Variants in COL14A1 observed in about 807,000 individuals in gnomAD.
The protein encoded by COL14A1 is collagen type XIV alpha 1 chain.
Under a neutral mutation model 230.3 loss-of-function variants are expected in COL14A1, and 136 were observed. The ratio of observed to expected loss-of-function variants is 0.59; its 90% CI spans 0.51 to 0.68. COL14A1 has a LOEUF of 0.68. Among genes scored for constraint, COL14A1 ranks in the 30% least tolerant of loss-of-function variants. The pLI is 0.00. For synonymous variants in COL14A1, 792 were observed against 784.1 expected (o/e 1.01, Z -0.17); for missense variants, 1,976 against 2,215.8 (o/e 0.89, Z 2.17).
rs1249343884 is a variant in COL14A1, at chr8:120,163,581, T to C, written c.349+1012T>C. Among the ~76,000 whole-genome samples, 5 of 152,006 alleles carry C rather than the reference T, an allele frequency of 3.3e-5. No individual in the cohort carries two copies. In the East Asian group the frequency reaches 9.7e-4, roughly 29 times the overall value. On this transcript the variant is annotated intron_variant, in intron 4 of 47. Coordinates refer to ENST00000297848, the MANE Select transcript of COL14A1 (RefSeq NM_021110.4). Reference sequence around the variant, plus strand: ...GAGTTCGAGACCAGCCTGACCAACATGGAGAAACCCTGTCTCTACTAAAAA... The same window carrying C: ...GAGTTCGAGACCAGCCTGACCAACACGGAGAAACCCTGTCTCTACTAAAAA...
At position 120,256,522 on chromosome 8, in the gene COL14A1, T is replaced by A. The variant is rs192393612; in HGVS notation, c.2869+1166T>A. Among the ~76,000 whole-genome samples, 23 of 152,266 alleles carry A rather than the reference T, an allele frequency of 1.5e-4. 1 individual carries two copies. The East Asian group carries it at 4.2e-3, about 28-fold the overall frequency. On this transcript the variant is annotated intron_variant, in intron 23 of 47. Coordinates refer to ENST00000297848, the MANE Select transcript of COL14A1 (RefSeq NM_021110.4). Reference sequence around the variant, plus strand: ...CATGTGGCACCACTGCTTCCTTGAGTCCCTCTCTATGATGTAAGGATCCTT... The same window carrying A: ...CATGTGGCACCACTGCTTCCTTGAGACCCTCTCTATGATGTAAGGATCCTT...
intron 45 of COL14A1, among the ~76,000 whole-genome samples, chr8:120,356,257 A>T (rs1822982148): frequency 1.3e-5 from 2 of 152,226 alleles, no homozygotes; most frequent in South Asian, 4.1e-4. Context: ...AAATCTTATG[A>T]GATCAGGATT....
intron 13 of COL14A1, among the ~76,000 whole-genome samples, chr8:120,213,614 T>A (rs1181238514): frequency 2.0e-5 from 3 of 152,180 alleles, no homozygotes; most frequent in Non-Finnish European, 4.4e-5. Flanking sequence ...CTAGAAAGCA[T>A]CCACCACATA....
intron 11 of COL14A1, among the ~76,000 whole-genome samples, chr8:120,209,530 T>A (rs1387594462): frequency 1.3e-5 from 2 of 152,116 alleles, no homozygotes; most frequent in Non-Finnish European, 2.9e-5. Context: ...GACACTGTGG[T>A]TAGAAGAGTA....
rs115901568 is a variant in COL14A1 at position 120,280,042 on chromosome 8, G to A, written c.3589G>A (p.Ala1197Thr). The A allele has an allele frequency of 1.1e-3, 1,786 of 1,613,822 alleles. 5 individuals carry two copies. The highest frequency in any genetic ancestry group is 1.3e-3 in the Non-Finnish European group (1,571 of 1,179,836). Residue 1197 changes from alanine (A) to threonine (T), a missense_variant, in exon 29 of 48, where the codon GCC (alanine) becomes ACC (threonine). This residue lies in a region of COL14A1 where 1,791 missense variants were observed against 2,019.5 expected (regional missense o/e 0.89). Coordinates refer to ENST00000297848, the MANE Select transcript of COL14A1 (RefSeq NM_021110.4). ...RHVFFVDDFD[A>T]FKKIEDELIT... The stretch of plus-strand genomic sequence containing the variant: ...TGTCTTCTTTGTGGATGACTTTGAC[G>A]CCTTTAAGAAAATCGAAGATGAGTT...
At chr8:120,193,050 A>G (rs1293202962) in intron 5 of COL14A1, among the ~76,000 whole-genome samples, 1 of 152,172 alleles carries the variant, frequency 6.6e-6, no homozygotes, top group Admixed American at 6.5e-5. Flanking sequence ...TCAACTCGTC[A>G]AAGTCATTCT....
At chr8:120,255,095 T>C (rs1819100742) in intron 22 of COL14A1, 145 bp from the exon 23 acceptor site, 3 of 687,476 alleles carry the variant, frequency 4.4e-6, no homozygotes, top group Non-Finnish European at 8.0e-6. Context: ...TTATCTTTTG[T>C]ATACTAACTC....
intron 45 of COL14A1, among the ~76,000 whole-genome samples, chr8:120,358,323 G>A (rs1031287926): frequency 1.3e-5 from 2 of 151,992 alleles, no homozygotes; most frequent in Non-Finnish European, 2.9e-5. Context: ...CTTACAATGA[G>A]GCTACATTGT....
intron 38 of COL14A1, 65 bp from the exon 39 acceptor site, chr8:120,315,468 A>T: frequency 1.2e-5 from 15 of 1,273,972 alleles, no homozygotes; most frequent in Non-Finnish European, 1.6e-5. Context: ...ATAATGAGAG[A>T]AGGAAAAGAA....
intron 34 of COL14A1, among the ~76,000 whole-genome samples, chr8:120,295,006 A>G (rs1820481475): frequency 6.6e-6 from 1 of 151,872 alleles, no homozygotes. Flanking sequence ...ATAGGTGGTT[A>G]GGTGGTAGAT....
intron 13 of COL14A1, chr8:120,213,864 A>G: frequency 5.7e-6 from 2 of 351,198 alleles, no homozygotes; most frequent in South Asian, 2.3e-5. Context: ...GAATTCCAGA[A>G]AAATTTAGAG....
Position 120,322,009 on chromosome 8 carries a change from A to AT in COL14A1, c.4659+6021dup, listed in dbSNP as rs931244630. On this transcript the variant is annotated intron_variant, in intron 40 of 47. Coordinates refer to ENST00000297848, the MANE Select transcript of COL14A1 (RefSeq NM_021110.4). ...ATTTCTTTGATAGACTATTGCTGGC[A>AT]TTTTTTTTTGTTTTAATTCACTGAA... Among the ~76,000 whole-genome samples, 127 of 150,988 alleles carry AT rather than the reference A, an allele frequency of 8.4e-4. 2 individuals are homozygous for AT. Among genetic ancestry groups the AT allele is most frequent in the South Asian group, 6.9e-3 (33 of 4,774 alleles).
intron 26 of COL14A1, among the ~76,000 whole-genome samples, chr8:120,275,990 A>G (rs939143026): frequency 6.6e-6 from 1 of 152,006 alleles, no homozygotes; most frequent in Non-Finnish European, 1.5e-5. Flanking sequence ...CTATCTACCC[A>G]AAGGAAAAGA....
intron 36 of COL14A1, among the ~76,000 whole-genome samples, chr8:120,309,310 C>A (rs986707855): frequency 2.0e-5 from 3 of 152,012 alleles, no homozygotes; most frequent in African/African-American, 4.8e-5. Context: ...GCAAGCGATA[C>A]TTTTTTTCAT....
At chr8:120,354,477 T>C (rs1289435549) in intron 45 of COL14A1, among the ~76,000 whole-genome samples, 2 of 151,758 alleles carry the variant, frequency 1.3e-5, no homozygotes, top group African/African-American at 2.4e-5. Context: ...GCAAAGAATA[T>C]GCATTTTTAG....
intron 40 of COL14A1, among the ~76,000 whole-genome samples, chr8:120,328,307 C>T (rs1284763272): frequency 6.6e-6 from 1 of 152,096 alleles, no homozygotes; most frequent in Admixed American, 6.5e-5. Context: ...GATCACAGCT[C>T]ACTGAAGTTT....
chr8:120,239,206 A>G (rs951053796), intron 19 of COL14A1, among the ~76,000 whole-genome samples: 3 of 152,182 alleles, frequency 2.0e-5, no homozygotes, highest in Non-Finnish European at 4.4e-5. Flanking sequence ...TTTCTAATCA[A>G]ACCAGGTAAC....
chr8:120,225,089 T>C lies in COL14A1; in HGVS notation c.1739T>C (p.Val580Ala). The stretch of plus-strand genomic sequence containing the variant: ...TATTATGACTTATTTCTTTGACAGG[T>C]TGAAGTCGATCCTATTACTACCTTC... ...NNADGTEINE[V>A]EVDPITTFPL... is the part of the protein sequence containing the mutation. Residue 580 changes from valine to alanine, a missense_variant and splice_region_variant, in exon 15 of 48, where the codon GTT becomes GCT. Transcript: ENST00000297848. The C allele has an allele frequency of 6.2e-7, 1 of 1,610,014 alleles. No homozygotes were observed. The highest frequency in any genetic ancestry group is 8.5e-7 in the Non-Finnish European group (1 of 1,178,884).
intron 5 of COL14A1, among the ~76,000 whole-genome samples, chr8:120,171,113 C>A (rs537811208): frequency 6.6e-6 from 1 of 152,024 alleles, no homozygotes; most frequent in Admixed American, 6.6e-5. Flanking sequence ...TCTTTAAATC[C>A]ATTTTAGCAC....
Sources: gnomAD v4.1 joint callset for allele counts (sites outside exome capture counted in the v4.1 genomes callset) on GRCh38, gnomAD v4.1.1 for gene constraint, gnomAD v4.1.1 regional missense constraint, MANE v1.5 for transcripts, NCBI Gene and HGNC (gene_info 2026-07-23, HGNC 2026-07-21) for gene names.